The following TUT7 variants were observed in gnomAD, a reference collection of about 807,000 sequenced individuals.
TUT7 encodes terminal uridylyltransferase 7.
TUT7 carries 33 observed loss-of-function variants against 165.9 expected under a neutral mutation model. The ratio of observed to expected loss-of-function variants is 0.20; its 90% CI spans 0.15 to 0.27. TUT7 has a LOEUF of 0.27. TUT7 is among the 10% of genes least tolerant of loss of function. The pLI is 1.00. For synonymous variants in TUT7, 552 were observed against 608.1 expected (o/e 0.91, Z 1.36); for missense variants, 1,338 against 1,762.3 (o/e 0.76, Z 4.31).
At chr9:86,347,072 C>T (rs1831840687) in intron 2 of TUT7, among the ~76,000 whole-genome samples, 2 of 152,062 alleles carry the variant, frequency 1.3e-5, no homozygotes, top group Non-Finnish European at 1.5e-5. Flanking sequence ...CGGGTCCCTC[C>T]GTTAATATGA....
chr9:86,309,639 C>T, intron 19 of TUT7, 63 bp from the exon 20 acceptor site: 1 of 1,313,926 alleles, frequency 7.6e-7, no homozygotes, highest in Non-Finnish European at 1.1e-6. Flanking sequence ...TGCATCCATT[C>T]TGTTATCACT....
chr9:86,290,686 C>CAAAAAA (rs749800073), intron 26 of TUT7, among the ~76,000 whole-genome samples: 4 of 54,772 alleles, frequency 7.3e-5, no homozygotes, highest in Non-Finnish European at 1.2e-4. Context: ...TACTAAAATA[C>CAAAAAA]AAAAAAAAAA....
At chr9:86,305,794 T>C (rs1827406763) in intron 22 of TUT7, among the ~76,000 whole-genome samples, 1 of 152,150 alleles carries the variant, frequency 6.6e-6, no homozygotes, top group South Asian at 2.1e-4. Flanking sequence ...TGGCATGCCA[T>C]TGGCTACCTG....
Position 86,323,772 on chromosome 9 carries a change from G to A in TUT7, c.1978C>T (p.His660Tyr). The A allele has an allele frequency of 6.2e-7, 1 of 1,613,774 alleles. No individual in the cohort carries two copies. The change falls in exon 13 of 27, where the codon CAT becomes TAT. Residue 660 changes from histidine (H) to tyrosine (Y), a missense_variant. This residue lies in a region of TUT7 where 425 missense variants were observed against 474.9 expected (regional missense o/e 0.89). Coordinates refer to ENST00000375963, the MANE Select transcript of TUT7 (RefSeq NM_024617.4). ...ISEHSKEVIN[H>Y]HPDVQTKDDK... ...TCTTTTGTTTGTACATCTGGATGAT[G>A]ATTTATTACTTCTTTAGAATGTTCT...
intron 2 of TUT7, among the ~76,000 whole-genome samples, chr9:86,349,881 A>C (rs1322195186): frequency 2.0e-5 from 3 of 152,236 alleles, no homozygotes; most frequent in Non-Finnish European, 2.9e-5. Flanking sequence ...AAAAATAGCA[A>C]AATGCATTTC....
chr9:86,332,094 T>C (rs1304451009), intron 10 of TUT7, among the ~76,000 whole-genome samples: 1 of 152,008 alleles, frequency 6.6e-6, no homozygotes, highest in East Asian at 1.9e-4. Flanking sequence ...AAGTCAAAAA[T>C]ACCAGATGCT....
At chr9:86,325,708 T>C (rs791311) in intron 11 of TUT7, among the ~76,000 whole-genome samples, 194 bp from the exon 12 acceptor site, 37,105 of 152,180 alleles carry the variant, frequency 0.24, 6,105 homozygotes, top group Non-Finnish European at 0.35. Context: ...CACTGCACTA[T>C]TAGGATTAGA....
At chr9:86,290,049 C>A (rs1252987120) in intron 26 of TUT7, among the ~76,000 whole-genome samples, 3 of 152,078 alleles carry the variant, frequency 2.0e-5, no homozygotes, top group Non-Finnish European at 4.4e-5. Flanking sequence ...GTATTTGGTG[C>A]CTCATTTTCT....
At chr9:86,296,539 G>A (rs1306909863) in intron 26 of TUT7, among the ~76,000 whole-genome samples, 2 of 152,184 alleles carry the variant, frequency 1.3e-5, no homozygotes, top group African/African-American at 4.8e-5. Flanking sequence ...CAACCTAGAG[G>A]AAAGGATGGG....
intron 26 of TUT7, among the ~76,000 whole-genome samples, chr9:86,300,549 A>C (rs1231533670): frequency 6.6e-6 from 1 of 152,330 alleles, no homozygotes; most frequent in East Asian, 1.9e-4. Flanking sequence ...ATCATTACTT[A>C]TTATACACAC....
intron 9 of TUT7, among the ~76,000 whole-genome samples, chr9:86,337,842 T>C (rs1364798544): frequency 1.1e-4 from 16 of 152,220 alleles, no homozygotes. Flanking sequence ...CATTCATTTG[T>C]TTAGAATACA....
chr9:86,334,965 G>T (rs2131527793), intron 10 of TUT7, among the ~76,000 whole-genome samples: 1 of 152,236 alleles, frequency 6.6e-6, no homozygotes, highest in African/African-American at 2.4e-5. Flanking sequence ...CATTTGTTCA[G>T]TCTGCAGGTT....
intron 21 of TUT7, 29 bp from the exon 22 acceptor site, chr9:86,308,635 A>G (rs772368699): frequency 3.3e-5 from 51 of 1,565,582 alleles, no homozygotes; most frequent in Middle Eastern, 1.7e-4. Context: ...AAGGGATACC[A>G]TGGTCTTTAG....
chr9:86,319,257 G>A (rs549105524), intron 15 of TUT7, among the ~76,000 whole-genome samples, 199 bp from the exon 16 acceptor site: 1 of 152,220 alleles, frequency 6.6e-6, no homozygotes, highest in African/African-American at 2.4e-5. Context: ...AGCTGTATAT[G>A]GCAAGAAAGA....
intron 10 of TUT7, among the ~76,000 whole-genome samples, chr9:86,332,799 A>G (rs1043092252): frequency 2.0e-5 from 3 of 152,322 alleles, no homozygotes; most frequent in East Asian, 3.9e-4. Context: ...TTTTAGGTCT[A>G]ACATTTGAGT....
intron 14 of TUT7, 92 bp downstream of exon 14, chr9:86,322,233 G>C (rs943074430): frequency 1.3e-5 from 16 of 1,193,178 alleles, no homozygotes; most frequent in Non-Finnish European, 1.9e-5. Flanking sequence ...CCCTAATAAT[G>C]TTTAGAGACC....
intron 4 of TUT7, 105 bp downstream of exon 4, chr9:86,345,564 A>G: frequency 1.3e-6 from 1 of 793,684 alleles, no homozygotes; most frequent in South Asian, 1.7e-5. Flanking sequence ...TAAATAAAGC[A>G]GTAAAGTTAT....
chr9:86,340,568 C>G (rs892082718), intron 7 of TUT7, among the ~76,000 whole-genome samples: 50 of 152,188 alleles, frequency 3.3e-4, no homozygotes, highest in African/African-American at 1.2e-3. Flanking sequence ...AAGCCCCAAG[C>G]TGGACATTGT....
At chr9:86,320,418 G>A (rs1829158005) in intron 14 of TUT7, among the ~76,000 whole-genome samples, 2 of 152,046 alleles carry the variant, frequency 1.3e-5, no homozygotes, top group East Asian at 1.9e-4. Flanking sequence ...CTACACCAAT[G>A]CTTCCCCAAA....
Sources: gnomAD v4.1 joint callset for allele counts (sites outside exome capture counted in the v4.1 genomes callset) on GRCh38, gnomAD v4.1.1 for gene constraint, gnomAD v4.1.1 regional missense constraint, MANE v1.5 for transcripts, NCBI Gene and HGNC (gene_info 2026-07-23, HGNC 2026-07-21) for gene names.